Variants in DSCAML1 observed in about 807,000 individuals in gnomAD.
DSCAML1 encodes the protein cell adhesion molecule DSCAML1.
DSCAML1 carries 38 observed loss-of-function variants against 200.5 expected under a neutral mutation model. That is an observed-to-expected ratio of 0.19 (90% CI 0.15 to 0.25). DSCAML1 has a LOEUF of 0.25. DSCAML1 is among the 10% of genes least tolerant of loss of function. The pLI is 1.00. For missense variants in DSCAML1, 2,223 were observed against 2,858.8 expected (o/e 0.78, Z 5.07); for synonymous variants, 1,215 against 1,165.0 (o/e 1.04, Z -0.87).
chr11:117,697,705 G>T (rs2053607465), intron 3 of DSCAML1, among the ~76,000 whole-genome samples: 1 of 151,664 alleles, frequency 6.6e-6, no homozygotes, highest in African/African-American at 2.4e-5. Context: ...GTCCTTTTGT[G>T]ACTGGCTCAT....
At chr11:117,758,651 C>G (rs1245714791) in intron 3 of DSCAML1, among the ~76,000 whole-genome samples, 1 of 152,116 alleles carries the variant, frequency 6.6e-6, no homozygotes, top group East Asian at 1.9e-4. Flanking sequence ...ATCCGCCCAC[C>G]TCGGCCTCCC....
intron 1 of DSCAML1, among the ~76,000 whole-genome samples, chr11:117,807,971 G>T (rs139440506): frequency 6.6e-6 from 1 of 152,120 alleles, no homozygotes; most frequent in Admixed American, 6.5e-5. Flanking sequence ...ACAGGTGCAT[G>T]CCACCACACC....
At chr11:117,671,033 G>C (rs981907793) in intron 3 of DSCAML1, among the ~76,000 whole-genome samples, 5 of 152,192 alleles carry the variant, frequency 3.3e-5, no homozygotes, top group African/African-American at 9.7e-5. Flanking sequence ...TGGAAACCAA[G>C]AGGCCAATTC....
Position 117,516,699 on chromosome 11 carries a change from G to C in DSCAML1, c.1551C>G (p.Val517=). 1.9e-6 allele frequency: 3 copies of C among 1,613,990 alleles called. No individual in the cohort carries two copies. The highest frequency in any genetic ancestry group is 1.1e-5 in the South Asian group (1 of 91,070). ...SIRAMRNITA[V]AGRDTLINCR... is the part of the protein sequence containing the mutation. ...AGTTGATAAGGGTGTCCCGCCCGGC[G>C]ACTGCTGTGATGTTCCGCATAGCCC... Residue 517 remains valine (V), a synonymous_variant, in exon 8 of 33, where the codon GTC becomes GTG. Transcript: ENST00000651296. The surrounding 1 kb of genome is among the most constrained non-coding windows in gnomAD (Gnocchi z 5.7).
rs1175883330 is a variant in DSCAML1 at position 117,780,197 on chromosome 11, AAGAG to A, written c.364+292_364+295del. The stretch of plus-strand genomic sequence containing the variant: ...AAAAAAAGAAAAAAAGAAAGAAAGA[AAGAG>A]AAAGAAAGAGAGAGAGAGAAAGAAA... On this transcript the variant is annotated intron_variant, in intron 2 of 32. Transcript: ENST00000651296. This position sits in a 1 kb window ranked among gnomAD's most constrained non-coding sequence, Gnocchi z 4.8. 1.5e-5 allele frequency among the ~76,000 whole-genome samples: 1 copy of A among 64,918 alleles called. No homozygotes were observed. Among genetic ancestry groups the A allele is most frequent in the East Asian group, 4.0e-4 (1 of 2,516 alleles). The allele number at this position is 64,918 out of a possible 152,430, so 42.6% of individuals were successfully genotyped here.
At chr11:117,635,050 A>C (rs1373739388) in intron 3 of DSCAML1, among the ~76,000 whole-genome samples, 2 of 152,252 alleles carry the variant, frequency 1.3e-5, no homozygotes, top group African/African-American at 4.8e-5. Flanking sequence ...GATAGGTCGC[A>C]CAACAGTCAG....
intron 3 of DSCAML1, among the ~76,000 whole-genome samples, chr11:117,654,658 G>A (rs773546840): frequency 1.3e-5 from 2 of 152,140 alleles, no homozygotes; most frequent in East Asian, 1.9e-4. Flanking sequence ...GGGAAGCTGC[G>A]GCTTACTTGA....
At chr11:117,620,249 C>T (rs2051900379) in intron 3 of DSCAML1, among the ~76,000 whole-genome samples, 1 of 152,138 alleles carries the variant, frequency 6.6e-6, no homozygotes, top group Admixed American at 6.5e-5. Flanking sequence ...TCCAGCTTCC[C>T]CATACAAAAG....
intron 3 of DSCAML1, among the ~76,000 whole-genome samples, chr11:117,606,701 C>T (rs1215393052): frequency 6.6e-6 from 1 of 152,252 alleles, no homozygotes; most frequent in African/African-American, 2.4e-5. Context: ...GAGGCCCCCA[C>T]TTCTCTCTTG....
In DSCAML1 at chr11:117,650,456, C is replaced by T. The variant is rs188703011; in HGVS notation, c.512-117934G>A. Among the ~76,000 whole-genome samples the T allele has an allele frequency of 5.3e-5, 8 of 152,262 alleles. No individual in the cohort carries two copies. The East Asian group carries it at 7.7e-4, about 15-fold the overall frequency. ...TGAATGCCCTGAAGAGATGCAGCTG[C>T]GGTTCTCTGAGAAACTGTCCTCTCC... On this transcript the variant is annotated intron_variant, in intron 3 of 32. Transcript: ENST00000651296.
Position 117,463,083 on chromosome 11 carries a change from G to C in DSCAML1, c.3266-1487C>G, listed in dbSNP as rs186480212. Among the ~76,000 whole-genome samples, 301 of 152,318 alleles carry C rather than the reference G, an allele frequency of 2.0e-3. 1 individual carries two copies. The highest frequency in any genetic ancestry group is 4.4e-3 in the Admixed American group (67 of 15,308). Reference sequence around the variant, plus strand: ...CCTCGGCTCAGCACGACTGTTCCCTGGACACACCTTCCTAAAGCCTCCTGC... The same window carrying C: ...CCTCGGCTCAGCACGACTGTTCCCTCGACACACCTTCCTAAAGCCTCCTGC... On this transcript the variant is annotated intron_variant, in intron 17 of 32. Coordinates refer to ENST00000651296, the MANE Select transcript of DSCAML1 (RefSeq NM_020693.4). This position sits in a 1 kb window ranked among gnomAD's most constrained non-coding sequence, Gnocchi z 4.0.
chr11:117,583,436 A>G (rs1034925632), intron 3 of DSCAML1, among the ~76,000 whole-genome samples: 3 of 152,148 alleles, frequency 2.0e-5, no homozygotes, highest in African/African-American at 7.2e-5. Context: ...CTCGCTCCGC[A>G]AGAATCCCCT....
chr11:117,727,460 C>T (rs993561792), intron 3 of DSCAML1, among the ~76,000 whole-genome samples: 1 of 152,238 alleles, frequency 6.6e-6, no homozygotes, highest in Admixed American at 6.5e-5. Flanking sequence ...GATTCACTCA[C>T]TCACCCTAAG....
At chr11:117,529,717 C>T (rs2050039337) in intron 4 of DSCAML1, among the ~76,000 whole-genome samples, 1 of 151,460 alleles carries the variant, frequency 6.6e-6, no homozygotes, top group Non-Finnish European at 1.5e-5. Flanking sequence ...CTCGGGGGTC[C>T]TGGCCTCTAG....
intron 3 of DSCAML1, among the ~76,000 whole-genome samples, chr11:117,603,392 G>C (rs1438680320): frequency 1.3e-5 from 2 of 152,164 alleles, no homozygotes; most frequent in Non-Finnish European, 2.9e-5. Flanking sequence ...AGAGCTCTGG[G>C]TCAGGCTTAT....
At chr11:117,434,171 C>T (rs2137066817) in intron 27 of DSCAML1, among the ~76,000 whole-genome samples, 1 of 152,242 alleles carries the variant, frequency 6.6e-6, no homozygotes, top group South Asian at 2.1e-4. Context: ...TATCCATTCA[C>T]CCATCCATTG....
At chr11:117,488,966 G>A (rs2137242016) in intron 11 of DSCAML1, among the ~76,000 whole-genome samples, 1 of 152,362 alleles carries the variant, frequency 6.6e-6, no homozygotes, top group South Asian at 2.1e-4. Context: ...GACAAAGCAG[G>A]CCCTGAGCTG....
At chr11:117,755,711 G>C (rs150568268) in intron 3 of DSCAML1, among the ~76,000 whole-genome samples, 4 of 152,246 alleles carry the variant, frequency 2.6e-5, no homozygotes, top group African/African-American at 9.6e-5. Context: ...CCTTTTGATG[G>C]AGTCACAAAA....
chr11:117,589,980 A>C (rs1375616208), intron 3 of DSCAML1, among the ~76,000 whole-genome samples: 1 of 152,178 alleles, frequency 6.6e-6, no homozygotes, highest in East Asian at 1.9e-4. Context: ...CTATCACATC[A>C]GAGCTCCTAA....
Sources: allele counts gnomAD v4.1 joint callset (sites outside exome capture counted in the v4.1 genomes callset), GRCh38; gene constraint gnomAD v4.1.1; non-coding constraint Gnocchi (gnomAD v3.1); transcripts MANE v1.5; gene names NCBI Gene and HGNC (gene_info 2026-07-23, HGNC 2026-07-21).